CNNM1: variants seen among roughly 807,000 people sequenced by gnomAD.
The protein encoded by CNNM1 is cyclin and CBS domain divalent metal cation transport mediator 1, also known as metal transporter CNNM1.
A neutral mutation model predicts 78.8 loss-of-function variants in CNNM1; 44 were observed. That is an observed-to-expected ratio of 0.56 (90% CI 0.44 to 0.72). The LOEUF (loss-of-function observed/expected upper bound fraction) is 0.72, where lower values mean the gene tolerates loss of function less well. CNNM1 is among the 30% of genes least tolerant of loss of function. The probability of loss-of-function intolerance (pLI) is 0.00; values close to 1 mark genes in which losing one functional copy is unlikely to be tolerated. For missense variants in CNNM1, 1,101 were observed against 1,292.2 expected (o/e 0.85, Z 2.27); for synonymous variants, 584 against 581.5 (o/e 1.00, Z -0.06).
intron 6 of CNNM1, among the ~76,000 whole-genome samples, chr10:99,367,878 G>A (rs2031673849): frequency 2.7e-4 from 1 of 3,668 alleles, no homozygotes; most frequent in South Asian, 0.012. Context: ...GGGCTGGACT[G>A]TTATACACAC....
chr10:99,330,080 G>A lies in CNNM1; in HGVS notation c.693G>A (p.Leu231=), dbSNP rs767260967. Residue 231 remains leucine (L), a synonymous_variant, in exon 1 of 11, where the codon CTG becomes CTA. Coordinates refer to ENST00000356713, the MANE Select transcript of CNNM1 (RefSeq NM_020348.3). ...PAWLRALGAL[L]LLALSALFSG... ...GGCTGCGGGCGCTCGGGGCGCTCCT[G>A]CTGCTAGCCTTGTCGGCCCTGTTCA... 1.4e-5 allele frequency: 21 copies of A among 1,531,564 alleles called. No individual in the cohort carries two copies. Among genetic ancestry groups the A allele is most frequent in the Non-Finnish European group, 1.7e-5 (20 of 1,148,382 alleles). 94.9% of individuals were successfully genotyped at this position (1,531,564 alleles called of 1,614,324 possible). A position where few individuals can be genotyped will look rare whatever the true frequency, so the allele number is the denominator to read the frequency against.
intron 1 of CNNM1, among the ~76,000 whole-genome samples, chr10:99,337,735 C>T (rs1345943542): frequency 1.3e-5 from 2 of 152,180 alleles, no homozygotes. Context: ...GTCTTTGTAG[C>T]TCCAGCAGCT....
chr10:99,329,441 C>A lies in CNNM1; in HGVS notation c.54C>A (p.Cys18Ter). The A allele has an allele frequency of 7.8e-7, 1 of 1,278,270 alleles. No homozygotes were observed. The highest frequency in any genetic ancestry group is 1.1e-6 in the Non-Finnish European group (1 of 937,434). The allele number at this position is 1,278,270 out of a possible 1,614,324, so 79.2% of individuals were successfully genotyped here. Residue 18 changes from cysteine to a stop codon, truncating the protein, a stop_gained, in exon 1 of 11, where the codon TGC becomes TGA. Coordinates refer to ENST00000356713, the MANE Select transcript of CNNM1 (RefSeq NM_020348.3). LOFTEE classifies it high-confidence loss of function. ...AAAVGVRLRD[C>*]CSRGAVLLLF... is the part of the protein sequence containing the mutation. The stretch of plus-strand genomic sequence containing the variant: ...CGGTGGGTGTCAGGCTCCGGGACTG[C>A]TGCAGCCGAGGCGCTGTGCTCCTGC...
In CNNM1 at chr10:99,357,655, AG is replaced by A; in HGVS notation, c.1717+1del. On this transcript the variant is annotated splice_donor_variant, in intron 2 of 10. Coordinates refer to ENST00000356713, the MANE Select transcript of CNNM1 (RefSeq NM_020348.3). LOFTEE classifies it high-confidence loss of function. ...GATCCTGGATGAAACTGATCTCTAC[AG>A]TAAGTGCACGGCCTTGGCTGTTCTC... 6.2e-7 allele frequency: 1 copy of A among 1,607,864 alleles called. No individual in the cohort carries two copies. The highest frequency in any genetic ancestry group is 8.5e-7 in the Non-Finnish European group (1 of 1,176,988).
Position 99,360,904 on chromosome 10 carries a change from T to C in CNNM1, c.1787T>C (p.Leu596Pro). ...RKRHDFSLFK[L>P]SDTEMRVKIS... ...CGGCATGACTTCTCCTTGTTTAAGC[T>C]TTCGGACACGGAGATGCGGGTGAAG... The change falls in exon 3 of 11, where the codon CTT becomes CCT. Residue 596 changes from leucine to proline, a missense_variant. Coordinates refer to ENST00000356713, the MANE Select transcript of CNNM1 (RefSeq NM_020348.3). 2 of 1,613,254 alleles carry C rather than the reference T, an allele frequency of 1.2e-6. No homozygotes were observed. Among genetic ancestry groups the C allele is most frequent in the Non-Finnish European group, 1.7e-6 (2 of 1,179,294 alleles).
chr10:99,329,850 G>A lies in CNNM1; in HGVS notation c.463G>A (p.Ala155Thr). The change falls in exon 1 of 11, where the codon GCA becomes ACA. Residue 155 changes from alanine to threonine, a missense_variant. Transcript: ENST00000356713. ...VLGPLRPGGVAGSALVQVRVR... is the reference protein window; with the variant it reads ...VLGPLRPGGVTGSALVQVRVR... ...GGGGCCCTTGCGTCCCGGGGGCGTG[G>A]CAGGCTCGGCCCTGGTCCAGGTGCG... The A allele has an allele frequency of 7.1e-7, 1 of 1,416,148 alleles. No individual in the cohort carries two copies. Among genetic ancestry groups the A allele is most frequent in the Non-Finnish European group, 9.2e-7 (1 of 1,090,774 alleles). The allele number at this position is 1,416,148 out of a possible 1,614,324, so 87.7% of individuals were successfully genotyped here. A position where few individuals can be genotyped will look rare whatever the true frequency, so the allele number is the denominator to read the frequency against.
chr10:99,362,111 A>T, intron 3 of CNNM1, 116 bp from the exon 4 acceptor site: 2 of 929,370 alleles, frequency 2.2e-6, no homozygotes, highest in Non-Finnish European at 3.1e-6. Context: ...CCTGATGCCC[A>T]GGTACAGGCA....
intron 6 of CNNM1, among the ~76,000 whole-genome samples, chr10:99,365,864 A>G (rs961371832): frequency 1.3e-5 from 2 of 152,218 alleles, no homozygotes; most frequent in Non-Finnish European, 2.9e-5. Context: ...GCTTGATATC[A>G]TAGTCCCTGG....
At chr10:99,376,764 C>T (rs1008868099) in intron 6 of CNNM1, among the ~76,000 whole-genome samples, 1 of 152,128 alleles carries the variant, frequency 6.6e-6, no homozygotes, top group Non-Finnish European at 1.5e-5. Flanking sequence ...TGCTCCAGCT[C>T]CTCACTGGGA....
At chr10:99,361,757 A>G (rs1048295986) in intron 3 of CNNM1, among the ~76,000 whole-genome samples, 1 of 152,224 alleles carries the variant, frequency 6.6e-6, no homozygotes, top group Non-Finnish European at 1.5e-5. Flanking sequence ...GATGCCTCAC[A>G]TTATTGACAA....
At chr10:99,364,077 A>G (rs1373413907) in intron 4 of CNNM1, among the ~76,000 whole-genome samples, 5 of 152,150 alleles carry the variant, frequency 3.3e-5, no homozygotes, top group Admixed American at 2.0e-4. Context: ...GAAATGGTCC[A>G]ATCTTGGACT....
chr10:99,347,194 G>GA (rs35187872), intron 1 of CNNM1, among the ~76,000 whole-genome samples: 20 of 148,128 alleles, frequency 1.4e-4, no homozygotes, highest in South Asian at 4.3e-4. Context: ...AAAGTTAAAA[G>GA]AAAAAAAAAA....
intron 1 of CNNM1, among the ~76,000 whole-genome samples, chr10:99,346,392 C>A (rs944898310): frequency 3.3e-5 from 5 of 152,208 alleles, no homozygotes; most frequent in African/African-American, 9.7e-5. Context: ...GTTCTGCCTA[C>A]ATCATATCCA....
At chr10:99,353,376 C>T (rs1014976905) in intron 1 of CNNM1, among the ~76,000 whole-genome samples, 1 of 152,178 alleles carries the variant, frequency 6.6e-6, no homozygotes, top group Non-Finnish European at 1.5e-5. Context: ...CAATGCCTGA[C>T]ACTGTGCCTG....
chr10:99,333,578 C>G (rs2030030102), intron 1 of CNNM1, among the ~76,000 whole-genome samples: 1 of 152,202 alleles, frequency 6.6e-6, no homozygotes, highest in Non-Finnish European at 1.5e-5. Flanking sequence ...CTCCCGACCT[C>G]AGGTGATCCA....
chr10:99,390,310 A>G lies in CNNM1; in HGVS notation c.2679A>G (p.Ser893=), dbSNP rs1043254494. ...SPAAVPTRAA[S]DSECCNINLD... ...TTCTCTCCTTTCCTTTCTCAGCATCAGATAGTGAATGTTGTAACATCAACC... is the reference window on the plus strand; with the variant it reads ...TTCTCTCCTTTCCTTTCTCAGCATCGGATAGTGAATGTTGTAACATCAACC... Residue 893 remains serine, a synonymous_variant, in exon 10 of 11, where the codon TCA becomes TCG. Coordinates refer to ENST00000356713, the MANE Select transcript of CNNM1 (RefSeq NM_020348.3). 9.9e-6 allele frequency: 16 copies of G among 1,610,848 alleles called. No homozygotes were observed. The highest frequency in any genetic ancestry group is 1.4e-5 in the Non-Finnish European group (16 of 1,178,288).
chr10:99,380,972 GT>G (rs906285425), intron 7 of CNNM1, among the ~76,000 whole-genome samples: 13 of 152,154 alleles, frequency 8.5e-5, no homozygotes, highest in African/African-American at 3.1e-4. Context: ...GTAGGTGTCT[GT>G]CCTTTTTGTC....
At position 99,388,001 on chromosome 10, in the gene CNNM1, C is replaced by T. The variant is rs200568268; in HGVS notation, c.2522C>T (p.Pro841Leu). ...ITLLNNRNSL[P>L]CSRSDGLRSP... ...CTCCTCAACAACAGGAACAGCCTGC[C>T]GTGTAAGTCAGCTGGGCAGACGGGC... The change falls in exon 8 of 11, where the codon CCG becomes CTG. Residue 841 changes from proline (P) to leucine (L), a missense_variant and splice_region_variant. Physicochemically the swap from Pro to Leu is moderately conservative, Grantham distance 98. This residue lies in a region of CNNM1 where 348 missense variants were observed against 384.5 expected (regional missense o/e 0.90). Coordinates refer to ENST00000356713, the MANE Select transcript of CNNM1 (RefSeq NM_020348.3). 7.6e-6 allele frequency: 12 copies of T among 1,586,210 alleles called. No individual in the cohort carries two copies. In the East Asian group the frequency reaches 1.1e-4, roughly 15 times the overall value.
chr10:99,364,502 C>T lies in CNNM1; in HGVS notation c.2114C>T (p.Thr705Ile). ...TACTATGGCGTCCCAGCCATCATGA[C>T]CACTGCTTGCTCAGGTATTCTAGTT... ...FTYYGVPAIM[T>I]TACSDNDVRK... Residue 705 changes from threonine to isoleucine, a missense_variant, in exon 5 of 11, where the codon ACC becomes ATC. By Grantham distance (89) the Thr-to-Ile change is moderately conservative (BLOSUM62 -1). Around this residue, in one of 3 missense-constraint regions of CNNM1, gnomAD observed 348 missense variants for 384.5 expected, o/e 0.90. Transcript: ENST00000356713. 1 of 1,610,752 alleles carries T rather than the reference C, an allele frequency of 6.2e-7. No homozygotes were observed. The highest frequency in any genetic ancestry group is 1.7e-4 in the Middle Eastern group (1 of 6,052).
Sources: allele counts gnomAD v4.1 joint callset (sites outside exome capture counted in the v4.1 genomes callset), GRCh38; gene constraint gnomAD v4.1.1; regional missense constraint gnomAD v4.1.1; transcripts MANE v1.5; gene names NCBI Gene and HGNC (gene_info 2026-07-23, HGNC 2026-07-21).